ASCL1: variants seen among roughly 807,000 people sequenced by gnomAD.
ASCL1 encodes the protein achaete-scute homolog 1.
In ASCL1, 2 loss-of-function variants were observed where a neutral mutation model predicts 16.1. The ratio of observed to expected loss-of-function variants is 0.12; its 90% CI spans 0.05 to 0.39. The LOEUF is 0.39. Among genes scored for constraint, ASCL1 ranks in the 10% least tolerant of loss-of-function variants. The probability of loss-of-function intolerance (pLI) is 0.99; values close to 1 mark genes in which losing one functional copy is unlikely to be tolerated. For synonymous variants in ASCL1, 165 were observed against 155.7 expected, an observed-to-expected ratio of 1.06 and a Z score of -0.45; for missense variants, 276 against 336.9, an observed-to-expected ratio of 0.82 and a Z score of 1.41.
Position 102,958,718 on chromosome 12 carries a change from G to A in ASCL1, c.474G>A (p.Glu158=), listed in dbSNP as rs562680434. Residue 158 remains glutamate, a synonymous_variant, in exon 1 of 2, where the codon GAG becomes GAA. Coordinates refer to ENST00000266744, the MANE Select transcript of ASCL1 (RefSeq NM_004316.4). The part of the protein sequence containing the change: ...GAANKKMSKV[E]TLRSAVEYIR... ...CCAACAAGAAGATGAGTAAGGTGGA[G>A]ACACTGCGCTCGGCGGTCGAGTACA... 1 of 1,614,136 alleles carries A rather than the reference G, an allele frequency of 6.2e-7. No individual in the cohort carries two copies. Among genetic ancestry groups the A allele is most frequent in the South Asian group, 1.1e-5 (1 of 91,092 alleles).
Position 102,958,906 on chromosome 12 carries a change from C to A in ASCL1, c.662C>A (p.Pro221Gln). 1 of 1,613,866 alleles carries A rather than the reference C, an allele frequency of 6.2e-7. No homozygotes were observed. Among genetic ancestry groups the A allele is most frequent in the South Asian group, 1.1e-5 (1 of 91,082 alleles). The change falls in exon 1 of 2, where the codon CCG (proline) becomes CAG (glutamine). Residue 221 changes from proline to glutamine, a missense_variant. Pro to Gln is a moderately conservative substitution (Grantham distance 76). Coordinates refer to ENST00000266744, the MANE Select transcript of ASCL1 (RefSeq NM_004316.4). Reference protein sequence around the residue: ...SYSSDEGSYDPLSPEEQELLD... With the variant: ...SYSSDEGSYDQLSPEEQELLD... ...TCGTCGGACGAGGGCTCTTACGACC[C>A]GCTCAGCCCCGAGGAGCAGGAGCTT...
chr12:102,958,393 C>CGCAGAA lies in ASCL1; in HGVS notation c.153_154insAAGCAG (p.Gln51_Gln52insLysGln). On this transcript the variant is annotated inframe_insertion, in exon 1 of 2. Coordinates refer to ENST00000266744, the MANE Select transcript of ASCL1 (RefSeq NM_004316.4). ...GCCGCCGCAGCGGCAGCGCAGAGCG[C>CGCAGAA]GCAGCAGCAGCAGCAGCAGCAGCAG... The CGCAGAA allele has an allele frequency of 1.3e-6, 2 of 1,506,784 alleles. No homozygotes were observed. The highest frequency in any genetic ancestry group is 1.8e-6 in the Non-Finnish European group (2 of 1,126,840). 93.3% of individuals were successfully genotyped at this position (1,506,784 alleles called of 1,614,324 possible). A position where few individuals can be genotyped will look rare whatever the true frequency, so the allele number is the denominator to read the frequency against.
Position 102,957,729 on chromosome 12 carries a change from C to G in ASCL1, c.-516C>G, listed in dbSNP as rs575016288. The G allele has an allele frequency of 6.5e-6, 1 of 152,738 alleles. No homozygotes were observed. The highest frequency in any genetic ancestry group is 2.4e-5 in the African/African-American group (1 of 41,532). The allele number at this position is 152,738 out of a possible 1,614,324, so 9.5% of individuals were successfully genotyped here. On this transcript the variant is annotated 5_prime_UTR_variant, in exon 1 of 2. Coordinates refer to ENST00000266744, the MANE Select transcript of ASCL1 (RefSeq NM_004316.4). The surrounding 1 kb of genome is among the most constrained non-coding windows in gnomAD (Gnocchi z 4.1). ...GGAAGGCGCACCGACAGGGATCCGG[C>G]CAGGGAGGGCGAGTGAAAGAAGGAA...
rs1005328234 is a variant in ASCL1, at chr12:102,958,395, C to CAGA, written c.153_154insAAG (p.Gln51_Gln52insLys). On this transcript the variant is annotated inframe_insertion, in exon 1 of 2. Transcript: ENST00000266744. ...CGCCGCAGCGGCAGCGCAGAGCGCG[C>CAGA]AGCAGCAGCAGCAGCAGCAGCAGCA... 15 of 706,344 alleles carry CAGA rather than the reference C, an allele frequency of 2.1e-5. No individual in the cohort carries two copies. Among genetic ancestry groups the CAGA allele is most frequent in the Non-Finnish European group, 2.9e-5 (15 of 511,114 alleles). The allele number at this position is 706,344 out of a possible 1,614,324, so 43.8% of individuals were successfully genotyped here.
Position 102,958,571 on chromosome 12 carries a change from C to G in ASCL1, c.327C>G (p.Gly109=), listed in dbSNP as rs921385163. The G allele has an allele frequency of 6.2e-7, 1 of 1,609,800 alleles. No homozygotes were observed. Among genetic ancestry groups the G allele is most frequent in the Non-Finnish European group, 8.5e-7 (1 of 1,178,460 alleles). The change falls in exon 1 of 2, where the codon GGC becomes GGG. Residue 109 remains glycine (G), a synonymous_variant. Coordinates refer to ENST00000266744, the MANE Select transcript of ASCL1 (RefSeq NM_004316.4). ...CKRRLNFSGF[G]YSLPQQQPAA... is the part of the protein sequence containing the mutation. Reference sequence around the variant, plus strand: ...GCCGGCTCAACTTCAGCGGCTTTGGCTACAGCCTGCCGCAGCAGCAGCCGG... The same window carrying G: ...GCCGGCTCAACTTCAGCGGCTTTGGGTACAGCCTGCCGCAGCAGCAGCCGG...
rs1471209282 is a variant in ASCL1, at chr12:102,958,359, G to A, written c.115G>A (p.Ala39Thr). 55 of 1,426,266 alleles carry A rather than the reference G, an allele frequency of 3.9e-5. No individual in the cohort carries two copies. Among genetic ancestry groups the A allele is most frequent in the Admixed American group, 6.0e-5 (2 of 33,164 alleles). The allele number at this position is 1,426,266 out of a possible 1,614,324, so 88.4% of individuals were successfully genotyped here. A position where few individuals can be genotyped will look rare whatever the true frequency, so the allele number is the denominator to read the frequency against. The change falls in exon 1 of 2, where the codon GCG (alanine) becomes ACG (threonine). Residue 39 changes from alanine (A) to threonine (T), a missense_variant. Transcript: ENST00000266744. ...TTTCTTTGCCACGGCCGCAGCCGCG[G>A]CGGCCGCAGCCGCCGCAGCGGCAGC... ...ACFFATAAAA[A>T]AAAAAAAAQS...
In ASCL1 at chr12:102,958,721, A is replaced by T; in HGVS notation, c.477A>T (p.Thr159=). 1.9e-6 allele frequency: 3 copies of T among 1,614,114 alleles called. No homozygotes were observed. The highest frequency in any genetic ancestry group is 2.5e-6 in the Non-Finnish European group (3 of 1,180,022). Reference sequence around the variant, plus strand: ...ACAAGAAGATGAGTAAGGTGGAGACACTGCGCTCGGCGGTCGAGTACATCC... The same window carrying T: ...ACAAGAAGATGAGTAAGGTGGAGACTCTGCGCTCGGCGGTCGAGTACATCC... ...AANKKMSKVE[T]LRSAVEYIRA... Residue 159 remains threonine (T), a synonymous_variant, in exon 1 of 2, where the codon ACA becomes ACT. Transcript: ENST00000266744.
In ASCL1 at chr12:102,958,340, TGCCACGGCCGCAGCCGCGGCG is replaced by T. The variant is rs1879997123; in HGVS notation, c.100_120del (p.Thr34_Ala40del). ...TCCTGCCGCCCGCAGCCTGTTTCTT[TGCCACGGCCGCAGCCGCGGCG>T]GCCGCAGCCGCCGCAGCGGCAGCGC... On this transcript the variant is annotated inframe_deletion, in exon 1 of 2. Transcript: ENST00000266744. 1.4e-6 allele frequency: 2 copies of T among 1,458,104 alleles called. No individual in the cohort carries two copies. The highest frequency in any genetic ancestry group is 1.5e-5 in the African/African-American group (1 of 67,248). 90.3% of individuals were successfully genotyped at this position (1,458,104 alleles called of 1,614,324 possible).
chr12:102,958,198 G>T lies in ASCL1; in HGVS notation c.-47G>T. On this transcript the variant is annotated 5_prime_UTR_variant, in exon 1 of 2. Transcript: ENST00000266744. ...GTCCCCCTCGCGGGCCCCGCACCTCGCGTCCCGGATCGCTCTGATTCCGCG... is the reference window on the plus strand; with the variant it reads ...GTCCCCCTCGCGGGCCCCGCACCTCTCGTCCCGGATCGCTCTGATTCCGCG... 3 of 1,400,664 alleles carry T rather than the reference G, an allele frequency of 2.1e-6. No homozygotes were observed. The highest frequency in any genetic ancestry group is 1.9e-6 in the Non-Finnish European group (2 of 1,076,256). The allele number at this position is 1,400,664 out of a possible 1,614,324, so 86.8% of individuals were successfully genotyped here. A position where few individuals can be genotyped will look rare whatever the true frequency, so the allele number is the denominator to read the frequency against.
chr12:102,958,301 G>T lies in ASCL1; in HGVS notation c.57G>T (p.Gln19His), dbSNP rs780445585. 1.1e-5 allele frequency: 16 copies of T among 1,477,274 alleles called. No homozygotes were observed. The highest frequency in any genetic ancestry group is 1.3e-5 in the Non-Finnish European group (14 of 1,119,768). The allele number at this position is 1,477,274 out of a possible 1,614,324, so 91.5% of individuals were successfully genotyped here. The stretch of plus-strand genomic sequence containing the variant: ...GCGCCGGCCAGCAGCCCCAGCCGCA[G>T]CCCCAGCAGCCCTTCCTGCCGCCCG... The part of the protein sequence containing the change: ...SGGAGQQPQP[Q>H]PQQPFLPPAA... The change falls in exon 1 of 2, where the codon CAG becomes CAT. Residue 19 changes from glutamine to histidine, a missense_variant. By Grantham distance (24) the Gln-to-His change is conservative. This residue lies in a region of ASCL1 where 178 missense variants were observed against 167.0 expected (regional missense o/e 1.07). Coordinates refer to ENST00000266744, the MANE Select transcript of ASCL1 (RefSeq NM_004316.4).
Position 102,958,342 on chromosome 12 carries a change from C to G in ASCL1, c.98C>G (p.Ala33Gly), listed in dbSNP as rs772871535. ...PFLPPAACFF[A>G]TAAAAAAAAA... ...CTGCCGCCCGCAGCCTGTTTCTTTG[C>G]CACGGCCGCAGCCGCGGCGGCCGCA... Residue 33 changes from alanine to glycine, a missense_variant, in exon 1 of 2, where the codon GCC (alanine) becomes GGC (glycine). Physicochemically the swap from Ala to Gly is moderately conservative, Grantham distance 60. Around this residue, in one of 3 missense-constraint regions of ASCL1, gnomAD observed 178 missense variants for 167.0 expected, o/e 1.07. Coordinates refer to ENST00000266744, the MANE Select transcript of ASCL1 (RefSeq NM_004316.4). The G allele has an allele frequency of 1.4e-6, 2 of 1,457,542 alleles. No individual in the cohort carries two copies. Among genetic ancestry groups the G allele is most frequent in the South Asian group, 2.7e-5 (2 of 73,074 alleles). The allele number at this position is 1,457,542 out of a possible 1,614,324, so 90.3% of individuals were successfully genotyped here.
In ASCL1 at chr12:102,958,512, C is replaced by T. The variant is rs778478285; in HGVS notation, c.268C>T (p.Arg90Cys). 1.1e-5 allele frequency: 17 copies of T among 1,602,632 alleles called. No homozygotes were observed. Among genetic ancestry groups the T allele is most frequent in the Non-Finnish European group, 1.4e-5 (16 of 1,175,036 alleles). ...AGCGCCCAAGCAAGTCAAGCGACAG[C>T]GCTCGTCTTCGCCCGAACTGATGCG... Reference protein sequence around the residue: ...KSAPKQVKRQRSSSPELMRCK... With the variant: ...KSAPKQVKRQCSSSPELMRCK... The change falls in exon 1 of 2, where the codon CGC becomes TGC. Residue 90 changes from arginine (R) to cysteine (C), a missense_variant. Physicochemically the swap from Arg to Cys is radical, Grantham distance 180 (BLOSUM62 -3). Coordinates refer to ENST00000266744, the MANE Select transcript of ASCL1 (RefSeq NM_004316.4).
chr12:102,958,353 G>A lies in ASCL1; in HGVS notation c.109G>A (p.Ala37Thr). Residue 37 changes from alanine (A) to threonine (T), a missense_variant, in exon 1 of 2, where the codon GCC becomes ACC. Around this residue, in one of 3 missense-constraint regions of ASCL1, gnomAD observed 178 missense variants for 167.0 expected, o/e 1.07. Coordinates refer to ENST00000266744, the MANE Select transcript of ASCL1 (RefSeq NM_004316.4). Reference protein sequence around the residue: ...PAACFFATAAAAAAAAAAAAA... With the variant: ...PAACFFATAATAAAAAAAAAA... ...AGCCTGTTTCTTTGCCACGGCCGCAGCCGCGGCGGCCGCAGCCGCCGCAGC... is the reference window on the plus strand; with the variant it reads ...AGCCTGTTTCTTTGCCACGGCCGCAACCGCGGCGGCCGCAGCCGCCGCAGC... 3 of 1,427,474 alleles carry A rather than the reference G, an allele frequency of 2.1e-6. No homozygotes were observed. The highest frequency in any genetic ancestry group is 1.6e-5 in the African/African-American group (1 of 64,338). The allele number at this position is 1,427,474 out of a possible 1,614,324, so 88.4% of individuals were successfully genotyped here. A position where few individuals can be genotyped will look rare whatever the true frequency, so the allele number is the denominator to read the frequency against.
At chr12:102,959,281 C>G (rs982550041) in intron 1 of ASCL1, 81 bp from the exon 2 acceptor site, 1 of 394,288 alleles carries the variant, frequency 2.5e-6, no homozygotes, top group Non-Finnish European at 4.7e-6. Context: ...CTGACAGACT[C>G]TTTCCCCAGA....
chr12:102,958,129 T>C lies in ASCL1; in HGVS notation c.-116T>C. On this transcript the variant is annotated 5_prime_UTR_variant, in exon 1 of 2. Coordinates refer to ENST00000266744, the MANE Select transcript of ASCL1 (RefSeq NM_004316.4). The stretch of plus-strand genomic sequence containing the variant: ...TCCGTCAGGGCTCCCGCTTCATATT[T>C]CCTTTTCTTTCCCTCTCTGTTCCTG... 1 of 720,462 alleles carries C rather than the reference T, an allele frequency of 1.4e-6. No homozygotes were observed. The allele number at this position is 720,462 out of a possible 1,614,324, so 44.6% of individuals were successfully genotyped here.
Position 102,958,811 on chromosome 12 carries a change from G to T in ASCL1, c.567G>T (p.Leu189=). The T allele has an allele frequency of 1.2e-6, 2 of 1,613,958 alleles. No homozygotes were observed. Among genetic ancestry groups the T allele is most frequent in the Middle Eastern group, 3.3e-4 (2 of 6,060 alleles). ...GCGCCGCCTTCCAGGCAGGCGTCCTGTCGCCCACCATCTCCCCCAACTACT... is the reference window on the plus strand; with the variant it reads ...GCGCCGCCTTCCAGGCAGGCGTCCTTTCGCCCACCATCTCCCCCAACTACT... ...AVSAAFQAGV[L]SPTISPNYSN... is the part of the protein sequence containing the mutation. The change falls in exon 1 of 2, where the codon CTG becomes CTT. Residue 189 remains leucine (L), a synonymous_variant. Transcript: ENST00000266744.
Position 102,958,166 on chromosome 12 carries a change from T to C in ASCL1, c.-79T>C. 4.3e-6 allele frequency: 5 copies of C among 1,159,078 alleles called. No individual in the cohort carries two copies. The highest frequency in any genetic ancestry group is 5.7e-6 in the Non-Finnish European group (5 of 881,350). The allele number at this position is 1,159,078 out of a possible 1,614,324, so 71.8% of individuals were successfully genotyped here. ...CCTCTCTGTTCCTGCACCCAAGTTCTCTCTGTGTCCCCCTCGCGGGCCCCG... is the reference window on the plus strand; with the variant it reads ...CCTCTCTGTTCCTGCACCCAAGTTCCCTCTGTGTCCCCCTCGCGGGCCCCG... On this transcript the variant is annotated 5_prime_UTR_variant, in exon 1 of 2. Transcript: ENST00000266744.
At position 102,960,420 on chromosome 12, in the gene ASCL1, T is replaced by C. The variant is rs966688705; in HGVS notation, c.*1106T>C. The C allele has an allele frequency of 9.8e-5, 15 of 152,508 alleles. No homozygotes were observed. The highest frequency in any genetic ancestry group is 4.4e-5 in the Non-Finnish European group (3 of 68,014). 9.4% of individuals were successfully genotyped at this position (152,508 alleles called of 1,614,324 possible). On this transcript the variant is annotated 3_prime_UTR_variant, in exon 2 of 2. Transcript: ENST00000266744. ...TTTCTATTACTGCCTTTTTTTTTCT[T>C]ACTGTTTTATTACAAACTTACAAAA...
chr12:102,960,279 G>A lies in ASCL1; in HGVS notation c.*965G>A, dbSNP rs1285982490. 1.3e-5 allele frequency: 2 copies of A among 152,642 alleles called. No homozygotes were observed. The highest frequency in any genetic ancestry group is 4.8e-5 in the African/African-American group (2 of 41,452). 9.5% of individuals were successfully genotyped at this position (152,642 alleles called of 1,614,324 possible). ...CCAATGTGTCTTACTTTATAGAAAT[G>A]TTGTTAATGTATTAATGATGTTATT... On this transcript the variant is annotated 3_prime_UTR_variant, in exon 2 of 2. Coordinates refer to ENST00000266744, the MANE Select transcript of ASCL1 (RefSeq NM_004316.4).
Sources: allele counts gnomAD v4.1 joint callset, GRCh38; gene constraint gnomAD v4.1.1; regional missense constraint gnomAD v4.1.1; non-coding constraint Gnocchi (gnomAD v3.1); transcripts MANE v1.5; gene names NCBI Gene and HGNC (gene_info 2026-07-23, HGNC 2026-07-21).